Variants in PDE3A observed in about 807,000 individuals in gnomAD.
PDE3A encodes the protein cGMP-inhibited 3',5'-cyclic phosphodiesterase 3A.
PDE3A carries 43 observed loss-of-function variants against 98.3 expected under a neutral mutation model. That is an observed-to-expected ratio of 0.44 (90% CI 0.34 to 0.56). The LOEUF is 0.56. Ranked by LOEUF, PDE3A falls within the 20% of genes least tolerant of loss-of-function variation. The probability of loss-of-function intolerance (pLI) is 0.01; values close to 1 mark genes in which losing one functional copy is unlikely to be tolerated. For missense variants in PDE3A, 1,427 were observed against 1,440.7 expected, an observed-to-expected ratio of 0.99 and a Z score of 0.15; for synonymous variants, 663 against 567.9, an observed-to-expected ratio of 1.17 and a Z score of -2.38.
chr12:20,562,035 GATAA>G (rs1013010133), intron 2 of PDE3A, among the ~76,000 whole-genome samples: 3 of 152,072 alleles, frequency 2.0e-5, no homozygotes, highest in African/African-American at 4.8e-5. Context: ...GATGCTAAAT[GATAA>G]ATAAACTTCC....
chr12:20,466,045 CT>C (rs1447240715), intron 1 of PDE3A, among the ~76,000 whole-genome samples: 1 of 152,148 alleles, frequency 6.6e-6, no homozygotes, highest in Non-Finnish European at 1.5e-5. Context: ...ACCTGACCCC[CT>C]GGCCCATTTA....
chr12:20,647,001 A>T (rs1196780735), intron 12 of PDE3A, 51 bp downstream of exon 12: 1 of 1,320,168 alleles, frequency 7.6e-7, no homozygotes, highest in South Asian at 1.2e-5. Context: ...TTTCTCAAGA[A>T]AGTGAAGTTC....
chr12:20,672,544 G>A (rs1202658372), intron 15 of PDE3A, among the ~76,000 whole-genome samples: 13 of 151,316 alleles, frequency 8.6e-5, no homozygotes, highest in Non-Finnish European at 1.3e-4. Flanking sequence ...AAATAACGCT[G>A]CATATCTACA....
chr12:20,594,448 C>T (rs550032110), intron 2 of PDE3A, among the ~76,000 whole-genome samples: 10 of 151,428 alleles, frequency 6.6e-5, no homozygotes, highest in African/African-American at 2.2e-4. Context: ...TTAAAGTCCT[C>T]AATAAAGATT....
chr12:20,662,496 A>C (rs773078412), intron 15 of PDE3A, among the ~76,000 whole-genome samples: 1 of 152,174 alleles, frequency 6.6e-6, no homozygotes, highest in African/African-American at 2.4e-5. Flanking sequence ...TGACTGCCCT[A>C]TTGAATTTTA....
chr12:20,572,206 A>G (rs904152247), intron 2 of PDE3A: 2 of 958,244 alleles, frequency 2.1e-6, no homozygotes, highest in Non-Finnish European at 2.8e-6. Context: ...AATGATTTTC[A>G]ACAGAAATTA....
At chr12:20,641,242 G>A (rs1403311580) in intron 10 of PDE3A, among the ~76,000 whole-genome samples, 1 of 152,120 alleles carries the variant, frequency 6.6e-6, no homozygotes, top group East Asian at 1.9e-4. Context: ...GACAGAGTAA[G>A]GCAGTTGGAG....
In PDE3A at chr12:20,548,592, A is replaced by G. The variant is rs61912091; in HGVS notation, c.961-8068A>G. Among the ~76,000 whole-genome samples the G allele has an allele frequency of 2.6e-3, 391 of 152,270 alleles. 9 individuals carry two copies. Among genetic ancestry groups the G allele is most frequent in the Non-Finnish European group, 2.8e-3 (189 of 67,992 alleles). The stretch of plus-strand genomic sequence containing the variant: ...TGTAACTAATCTTAAAATCATTAGC[A>G]TTCCTTCTCCAAAAAGAGTATCATA... On this transcript the variant is annotated intron_variant, in intron 1 of 15. Transcript: ENST00000359062.
At position 20,630,171 on chromosome 12, in the gene PDE3A, A is replaced by G. The variant is rs200373976; in HGVS notation, c.1760+44A>G. 6.6e-6 allele frequency: 9 copies of G among 1,367,754 alleles called. No individual in the cohort carries two copies. In the East Asian group the frequency reaches 1.1e-4, roughly 17 times the overall value. The allele number at this position is 1,367,754 out of a possible 1,614,324, so 84.7% of individuals were successfully genotyped here. Reference sequence around the variant, plus strand: ...CTGAAGTTTAATAATAAAAACGATGATAGTTTTCCCCTAGAAATACCTACC... The same window carrying G: ...CTGAAGTTTAATAATAAAAACGATGGTAGTTTTCCCCTAGAAATACCTACC... On this transcript the variant is annotated intron_variant, in intron 6 of 15. Coordinates refer to ENST00000359062, the MANE Select transcript of PDE3A (RefSeq NM_000921.5).
chr12:20,641,175 G>C (rs1247748668), intron 10 of PDE3A, among the ~76,000 whole-genome samples: 2 of 152,094 alleles, frequency 1.3e-5, no homozygotes, highest in African/African-American at 2.4e-5. Context: ...TAGAAAAAGA[G>C]AATGAAAAAC....
rs1945990077 is a variant in PDE3A, at chr12:20,687,196, G to A, written c.*6925G>A. ...TATACTTCAATAAATAGTTCTTTGT[G>A]TATATAAAGTGTTGGTTCATAGCAG... On this transcript the variant is annotated 3_prime_UTR_variant, in exon 16 of 16. Coordinates refer to ENST00000359062, the MANE Select transcript of PDE3A (RefSeq NM_000921.5). Among the ~76,000 whole-genome samples, 1 of 152,004 alleles carries A rather than the reference G, an allele frequency of 6.6e-6. No individual in the cohort carries two copies. Among genetic ancestry groups the A allele is most frequent in the African/African-American group, 2.4e-5 (1 of 41,430 alleles).
rs1290346735 is a variant in PDE3A, at chr12:20,405,478, A to G, written c.960+35234A>G. 6.6e-5 allele frequency among the ~76,000 whole-genome samples: 10 copies of G among 151,846 alleles called. No homozygotes were observed. The South Asian group carries it at 1.9e-3, about 28-fold the overall frequency. ...AATCTATACAGCTTCATTCTCATTC[A>G]CCTGAGCTGCTCACACCTGGCACCT... On this transcript the variant is annotated intron_variant, in intron 1 of 15. Coordinates refer to ENST00000359062, the MANE Select transcript of PDE3A (RefSeq NM_000921.5).
intron 1 of PDE3A, among the ~76,000 whole-genome samples, chr12:20,522,551 GTTGTCT>G (rs1946449511): frequency 1.3e-5 from 2 of 152,168 alleles, no homozygotes; most frequent in African/African-American, 4.8e-5. Context: ...CTTTTGGGGT[GTTGTCT>G]TTGTCTTTGA....
intron 2 of PDE3A, among the ~76,000 whole-genome samples, chr12:20,612,193 G>T (rs1416305404): frequency 6.6e-6 from 1 of 151,786 alleles, no homozygotes; most frequent in African/African-American, 2.4e-5. Flanking sequence ...TTTTGTAAAT[G>T]AAAGTTGTTT....
chr12:20,645,854 A>C (rs1944764232), intron 10 of PDE3A, among the ~76,000 whole-genome samples: 1 of 152,160 alleles, frequency 6.6e-6, no homozygotes, highest in African/African-American at 2.4e-5. Context: ...AGCTTCCTAC[A>C]TTATTATACA....
At chr12:20,456,223 CT>C (rs879858586) in intron 1 of PDE3A, among the ~76,000 whole-genome samples, 2 of 151,966 alleles carry the variant, frequency 1.3e-5, no homozygotes, top group Non-Finnish European at 2.9e-5. Flanking sequence ...AATAAGTTTG[CT>C]GAGTGACAGG....
chr12:20,609,088 GGCATTT>G (rs1943784022), intron 2 of PDE3A, among the ~76,000 whole-genome samples: 1 of 151,876 alleles, frequency 6.6e-6, no homozygotes, highest in South Asian at 2.1e-4. Context: ...TTAGCTAAGT[GGCATTT>G]TTACAAACAT....
At chr12:20,409,158 T>C (rs773118509) in intron 1 of PDE3A, among the ~76,000 whole-genome samples, 6 of 152,208 alleles carry the variant, frequency 3.9e-5, no homozygotes, top group Non-Finnish European at 8.8e-5. Context: ...ATGTAGTTTC[T>C]TGGACAGATG....
chr12:20,588,437 T>C (rs1943240962), intron 2 of PDE3A, among the ~76,000 whole-genome samples: 1 of 152,140 alleles, frequency 6.6e-6, no homozygotes, highest in Non-Finnish European at 1.5e-5. Flanking sequence ...CAGCTTCAAT[T>C]AGGACTATAA....
Sources: gnomAD v4.1 joint callset for allele counts (sites outside exome capture counted in the v4.1 genomes callset) on GRCh38, gnomAD v4.1.1 for gene constraint, MANE v1.5 for transcripts, NCBI Gene and HGNC (gene_info 2026-07-23, HGNC 2026-07-21) for gene names.